RTN4RL1: variants seen among roughly 807,000 people sequenced by gnomAD.
RTN4RL1 encodes the protein reticulon 4 receptor like 1, also known as reticulon-4 receptor-like 1.
In RTN4RL1, 7 loss-of-function variants were observed where a neutral mutation model predicts 25.6. That is an observed-to-expected ratio of 0.27 (90% confidence interval 0.16 to 0.51). The LOEUF (loss-of-function observed/expected upper bound fraction) is 0.51. RTN4RL1 is among the 20% of genes least tolerant of loss of function. The pLI is 0.97. For missense variants in RTN4RL1, 500 were observed against 615.6 expected (o/e 0.81, Z 1.99); for synonymous variants, 297 against 288.2 (o/e 1.03, Z -0.31).
At chr17:1,992,220 C>A (rs1369113500) in intron 1 of RTN4RL1, among the ~76,000 whole-genome samples, 13 of 152,002 alleles carry the variant, frequency 8.6e-5, no homozygotes, top group Admixed American at 3.9e-4. Flanking sequence ...AAAAATTAGC[C>A]GGGCGTGGTG....
chr17:1,958,786 C>T (rs1401165811), intron 1 of RTN4RL1, among the ~76,000 whole-genome samples: 2 of 152,240 alleles, frequency 1.3e-5, no homozygotes, highest in Non-Finnish European at 2.9e-5. Flanking sequence ...GTTCACACGT[C>T]CTCCTCCGGA....
Position 1,998,868 on chromosome 17 carries a change from G to A in RTN4RL1, c.13+25985C>T, listed in dbSNP as rs1227012162. ...TTTCCCGGCAGCCGAAGACGACCCC[G>A]GAGCCCCTTTATTCTCTACGCGCTC... On this transcript the variant is annotated intron_variant, in intron 1 of 1. Coordinates refer to ENST00000331238, the MANE Select transcript of RTN4RL1 (RefSeq NM_178568.4). The surrounding 1 kb of genome is among the most constrained non-coding windows in gnomAD (Gnocchi z 4.9). 6.6e-6 allele frequency among the ~76,000 whole-genome samples: 1 copy of A among 151,814 alleles called. No homozygotes were observed. The highest frequency in any genetic ancestry group is 1.5e-5 in the Non-Finnish European group (1 of 67,998).
Position 1,935,521 on chromosome 17 carries a change from T to C in RTN4RL1, c.*975A>G, listed in dbSNP as rs1915277196. 1 of 985,338 alleles carries C rather than the reference T, an allele frequency of 1.0e-6. No individual in the cohort carries two copies. The highest frequency in any genetic ancestry group is 1.1e-4 in the East Asian group (1 of 8,794). The allele number at this position is 985,338 out of a possible 1,614,324, so 61.0% of individuals were successfully genotyped here. ...CCCGCCGACACCTTGCCCCAGGCCC[T>C]TGGCAAGGCCAGGTCCCTTGGAGAC... is the stretch of plus-strand genomic sequence containing the variant. On this transcript the variant is annotated 3_prime_UTR_variant, in exon 2 of 2. Coordinates refer to ENST00000331238, the MANE Select transcript of RTN4RL1 (RefSeq NM_178568.4).
intron 1 of RTN4RL1, among the ~76,000 whole-genome samples, chr17:2,012,723 AG>A (rs1443901182): frequency 6.6e-6 from 1 of 152,012 alleles, no homozygotes; most frequent in Non-Finnish European, 1.5e-5. Context: ...AACATTTATT[AG>A]CCAATCAACT....
intron 1 of RTN4RL1, among the ~76,000 whole-genome samples, chr17:1,952,648 T>TC (rs1211201161): frequency 4.6e-5 from 7 of 150,796 alleles, no homozygotes; most frequent in African/African-American, 1.7e-4. Context: ...CGGCCTCTCC[T>TC]CCCCCATTTT....
At chr17:1,996,638 C>T (rs1243860643) in intron 1 of RTN4RL1, among the ~76,000 whole-genome samples, 2 of 152,154 alleles carry the variant, frequency 1.3e-5, no homozygotes, top group Non-Finnish European at 2.9e-5. Flanking sequence ...CTGTTTTCTC[C>T]AATGAAATGG....
At chr17:1,985,852 T>C (rs1248129163) in intron 1 of RTN4RL1, among the ~76,000 whole-genome samples, 1 of 152,042 alleles carries the variant, frequency 6.6e-6, no homozygotes, top group African/African-American at 2.4e-5. Flanking sequence ...TTGCATTTCA[T>C]CACTGTAAAT....
At position 1,934,723 on chromosome 17, in the gene RTN4RL1, T is replaced by C. The variant is rs1597481672; in HGVS notation, c.*1773A>G. On this transcript the variant is annotated 3_prime_UTR_variant, in exon 2 of 2. Coordinates refer to ENST00000331238, the MANE Select transcript of RTN4RL1 (RefSeq NM_178568.4). The surrounding 1 kb of genome is among the most constrained non-coding windows in gnomAD (Gnocchi z 4.0). ...TGTTATTATTATTTTTCTCTCTTAA[T>C]TGGATTCAGCGTTTCTGGCTCCTCA... 6.5e-6 allele frequency: 1 copy of C among 152,702 alleles called. No homozygotes were observed. Among genetic ancestry groups the C allele is most frequent in the Non-Finnish European group, 1.5e-5 (1 of 68,082 alleles). 9.5% of individuals were successfully genotyped at this position (152,702 alleles called of 1,614,324 possible).
At position 1,937,779 on chromosome 17, in the gene RTN4RL1, C is replaced by A; in HGVS notation, c.43G>T (p.Val15Leu). 1 of 1,598,058 alleles carries A rather than the reference C, an allele frequency of 6.3e-7. No individual in the cohort carries two copies. The highest frequency in any genetic ancestry group is 8.5e-7 in the Non-Finnish European group (1 of 1,176,806). ...CCACCCAGGGGCAGCTCCGCAGCTA[C>A]CAACAGCAGCAGCAACTCCACACAG... is the stretch of plus-strand genomic sequence containing the variant. ...GCCVELLLLL[V>L]AAELPLGGGC... The change falls in exon 2 of 2, where the codon GTA (valine) becomes TTA (leucine). Residue 15 changes from valine (V) to leucine (L), a missense_variant. Val to Leu is a conservative substitution (Grantham distance 32). This residue lies in a region of RTN4RL1 where 232 missense variants were observed against 341.1 expected (regional missense o/e 0.68). Transcript: ENST00000331238.
At position 1,935,798 on chromosome 17, in the gene RTN4RL1, C is replaced by A; in HGVS notation, c.*698G>T. 1.0e-6 allele frequency: 1 copy of A among 971,664 alleles called. No homozygotes were observed. The highest frequency in any genetic ancestry group is 1.2e-6 in the Non-Finnish European group (1 of 825,646). 60.2% of individuals were successfully genotyped at this position (971,664 alleles called of 1,614,324 possible). On this transcript the variant is annotated 3_prime_UTR_variant, in exon 2 of 2. Transcript: ENST00000331238. ...TAAGTGGACGTAGTTAGTTATAAAA[C>A]TGCACCTTCTGTGAGAACCTCATTG...
rs11868677 is a variant in RTN4RL1, at chr17:1,935,953, A to C, written c.*543T>G. 451,723 of 985,038 alleles carry C rather than the reference A, an allele frequency of 0.46. 105,090 individuals carry two copies. Among genetic ancestry groups the C allele is most frequent in the Middle Eastern group, 0.52 (986 of 1,908 alleles). The allele number at this position is 985,038 out of a possible 1,614,324, so 61.0% of individuals were successfully genotyped here. On this transcript the variant is annotated 3_prime_UTR_variant, in exon 2 of 2. Coordinates refer to ENST00000331238, the MANE Select transcript of RTN4RL1 (RefSeq NM_178568.4). ...TCAGGAATGAGAGGCGCTACCCCCG[A>C]GGGAGGGGCTGAAGGTGGAGTAGGA...
Position 1,960,925 on chromosome 17 carries a change from C to A in RTN4RL1, c.14-23117G>T, listed in dbSNP as rs73288371. Among the ~76,000 whole-genome samples the A allele has an allele frequency of 2.9e-3, 442 of 152,298 alleles. 4 individuals carry two copies. Among genetic ancestry groups the A allele is most frequent in the African/African-American group, 0.01 (421 of 41,538 alleles). Reference sequence around the variant, plus strand: ...TCAAAAGTCACCTCCCTGTCTCCAGCCGATGCCCACGGCCCCTCTGCTCCT... The same window carrying A: ...TCAAAAGTCACCTCCCTGTCTCCAGACGATGCCCACGGCCCCTCTGCTCCT... On this transcript the variant is annotated intron_variant, in intron 1 of 1. Transcript: ENST00000331238.
intron 1 of RTN4RL1, among the ~76,000 whole-genome samples, chr17:1,982,475 C>T (rs1202732266): frequency 6.6e-6 from 1 of 151,764 alleles, no homozygotes; most frequent in East Asian, 1.9e-4. Flanking sequence ...ATTAGCCAGG[C>T]ATGGTGGCGG....
At chr17:1,962,341 T>G (rs929144143) in intron 1 of RTN4RL1, among the ~76,000 whole-genome samples, 16 of 151,388 alleles carry the variant, frequency 1.1e-4, no homozygotes, top group Non-Finnish European at 2.4e-4. Context: ...AAAAACAGAC[T>G]AGTTACCAGT....
intron 1 of RTN4RL1, among the ~76,000 whole-genome samples, chr17:1,999,591 A>G (rs1371265870): frequency 1.3e-5 from 2 of 152,162 alleles, no homozygotes; most frequent in Admixed American, 1.3e-4. Context: ...ACAAGCACAC[A>G]CGTACACAGA....
chr17:1,997,380 G>T (rs566874998), intron 1 of RTN4RL1, among the ~76,000 whole-genome samples: 2 of 152,228 alleles, frequency 1.3e-5, no homozygotes, highest in South Asian at 4.2e-4. Context: ...CTCCTCTCCC[G>T]GCCAAGTACA....
intron 1 of RTN4RL1, among the ~76,000 whole-genome samples, chr17:1,958,720 C>G (rs967256732): frequency 1.3e-5 from 2 of 152,196 alleles, no homozygotes; most frequent in Admixed American, 1.3e-4. Context: ...CAGCAGCGTG[C>G]GGGCCGGCCG....
intron 1 of RTN4RL1, among the ~76,000 whole-genome samples, chr17:1,978,023 C>G (rs1490491359): frequency 6.6e-6 from 1 of 151,948 alleles, no homozygotes; most frequent in Non-Finnish European, 1.5e-5. Flanking sequence ...CATCCTGCAC[C>G]CCGCATCTCT....
intron 1 of RTN4RL1, among the ~76,000 whole-genome samples, chr17:1,984,826 G>A (rs1259633399): frequency 6.6e-6 from 1 of 152,138 alleles, no homozygotes; most frequent in Non-Finnish European, 1.5e-5. Flanking sequence ...AATTAGCCGG[G>A]CGTGGTAGCA....
Sources: allele counts gnomAD v4.1 joint callset (sites outside exome capture counted in the v4.1 genomes callset), GRCh38; gene constraint gnomAD v4.1.1; regional missense constraint gnomAD v4.1.1; non-coding constraint Gnocchi (gnomAD v3.1); transcripts MANE v1.5; gene names NCBI Gene and HGNC (gene_info 2026-07-23, HGNC 2026-07-21).